Variants in TMEM132B observed in about 807,000 individuals in gnomAD.
TMEM132B encodes the protein transmembrane protein 132B.
In TMEM132B, 18 loss-of-function variants were observed where a neutral mutation model predicts 90.8. The ratio of observed to expected loss-of-function variants is 0.20; its 90% CI spans 0.14 to 0.29. The LOEUF (loss-of-function observed/expected upper bound fraction) is 0.29, where lower values mean the gene tolerates loss of function less well. Among genes scored for constraint, TMEM132B ranks in the 10% least tolerant of loss-of-function variants. The probability of loss-of-function intolerance (pLI) is 1.00; values close to 1 mark genes in which losing one functional copy is unlikely to be tolerated. For synonymous variants in TMEM132B, 504 were observed against 523.3 expected, an observed-to-expected ratio of 0.96 and a Z score of 0.50; for missense variants, 1,096 against 1,326.8, an observed-to-expected ratio of 0.83 and a Z score of 2.70.
intron 4 of TMEM132B, among the ~76,000 whole-genome samples, chr12:125,530,613 G>C (rs1883619660): frequency 6.6e-6 from 1 of 152,238 alleles, no homozygotes; most frequent in South Asian, 2.1e-4. Context: ...TTAGCAGGGA[G>C]GTGCTCCCTC....
intron 5 of TMEM132B, among the ~76,000 whole-genome samples, chr12:125,619,582 C>T (rs1198202616): frequency 1.3e-5 from 2 of 151,962 alleles, no homozygotes; most frequent in African/African-American, 4.8e-5. Flanking sequence ...CCCGGCTGGT[C>T]TTGAACTCCT....
chr12:125,569,351 G>T (rs2136823538), intron 4 of TMEM132B, among the ~76,000 whole-genome samples: 1 of 152,290 alleles, frequency 6.6e-6, no homozygotes, highest in East Asian at 1.9e-4. Flanking sequence ...GAAATTGGTA[G>T]CAGCATCCAG....
At chr12:125,326,068 C>T (rs539011218) in intron 1 of TMEM132B, among the ~76,000 whole-genome samples, 1 of 152,330 alleles carries the variant, frequency 6.6e-6, no homozygotes, top group Non-Finnish European at 1.5e-5. Context: ...TCCTACCACG[C>T]TGTTCACAGG....
rs149946525 is a variant in TMEM132B at position 125,257,646 on chromosome 12, A to T, written c.67+70780A>T. ...TCACTTTATATGCCAAAAACTCTAT[A>T]GATGTGATTATGTTAAGGATTTTGA... On this transcript the variant is annotated intron_variant, in intron 1 of 8. Transcript: ENST00000682704. Among the ~76,000 whole-genome samples the T allele has an allele frequency of 3.0e-4, 46 of 152,154 alleles. 2 individuals are homozygous for T. The highest frequency in any genetic ancestry group is 1.1e-3 in the African/African-American group (45 of 41,498).
intron 4 of TMEM132B, among the ~76,000 whole-genome samples, chr12:125,578,806 G>A (rs1172034179): frequency 6.6e-6 from 1 of 152,022 alleles, no homozygotes; most frequent in East Asian, 1.9e-4. Flanking sequence ...AATACAACAG[G>A]TCTTAGTCTT....
intron 1 of TMEM132B, among the ~76,000 whole-genome samples, chr12:125,295,514 G>A (rs1488108008): frequency 2.4e-5 from 3 of 125,670 alleles, no homozygotes; most frequent in Non-Finnish European, 5.0e-5. Context: ...GTGTGTGTGT[G>A]TGAGAGAGAG....
chr12:125,508,024 C>T (rs1882888352), intron 3 of TMEM132B, among the ~76,000 whole-genome samples: 1 of 152,154 alleles, frequency 6.6e-6, no homozygotes, highest in African/African-American at 2.4e-5. Flanking sequence ...AAGGTAGAAC[C>T]AGCAGGCTTC....
chr12:125,472,534 G>C (rs1047883085), intron 3 of TMEM132B, among the ~76,000 whole-genome samples: 4 of 152,162 alleles, frequency 2.6e-5, no homozygotes, highest in African/African-American at 9.7e-5. Flanking sequence ...AGAAGGACCT[G>C]CTGCTCTATG....
At chr12:125,320,485 G>A (rs1336941620) in intron 1 of TMEM132B, among the ~76,000 whole-genome samples, 10 of 152,270 alleles carry the variant, frequency 6.6e-5, no homozygotes, top group African/African-American at 1.9e-4. Context: ...TTTTATTAGC[G>A]TGTGGAACCG....
intron 2 of TMEM132B, among the ~76,000 whole-genome samples, chr12:125,370,669 A>G (rs921379067): frequency 6.6e-6 from 1 of 152,150 alleles, no homozygotes; most frequent in Non-Finnish European, 1.5e-5. Context: ...TCAGCCTCCC[A>G]AAGTGCTGGG....
intron 4 of TMEM132B, among the ~76,000 whole-genome samples, chr12:125,564,680 TCAC>T (rs1884621329): frequency 6.6e-6 from 1 of 152,218 alleles, no homozygotes; most frequent in African/African-American, 2.4e-5. Context: ...TCCTCCTAAT[TCAC>T]CAGCACTTAC....
intron 1 of TMEM132B, among the ~76,000 whole-genome samples, chr12:125,238,664 G>C (rs762922859): frequency 4.6e-5 from 7 of 152,228 alleles, no homozygotes; most frequent in Non-Finnish European, 1.0e-4. Context: ...GGAAGAAAAG[G>C]CTGAGAAAAG....
chr12:125,225,532 G>A (rs1353145414), intron 1 of TMEM132B, among the ~76,000 whole-genome samples: 2 of 152,144 alleles, frequency 1.3e-5, no homozygotes, highest in African/African-American at 4.8e-5. Flanking sequence ...TTTCCATCAT[G>A]TTTCTGGAAG....
At chr12:125,409,094 T>C (rs915685822) in intron 2 of TMEM132B, among the ~76,000 whole-genome samples, 3 of 152,206 alleles carry the variant, frequency 2.0e-5, no homozygotes, top group Non-Finnish European at 4.4e-5. Flanking sequence ...TTGGGACTTA[T>C]GTGCTCACAG....
chr12:125,262,666 C>T (rs1874595684), intron 1 of TMEM132B, among the ~76,000 whole-genome samples: 1 of 152,194 alleles, frequency 6.6e-6, no homozygotes, highest in Non-Finnish European at 1.5e-5. Context: ...AAATATCTCT[C>T]TGTTTCCCAG....
chr12:125,345,773 C>G (rs1170737371), intron 1 of TMEM132B, among the ~76,000 whole-genome samples: 1 of 152,152 alleles, frequency 6.6e-6, no homozygotes, highest in Admixed American at 6.5e-5. Context: ...TCCTCATTTC[C>G]TGCTCTCAGG....
chr12:125,335,235 G>A (rs1337561226), intron 1 of TMEM132B, among the ~76,000 whole-genome samples: 1 of 152,192 alleles, frequency 6.6e-6, no homozygotes, highest in African/African-American at 2.4e-5. Flanking sequence ...GTGCTGGCAG[G>A]AAGAAATCAG....
chr12:125,358,309 A>G (rs1435045791), intron 2 of TMEM132B, among the ~76,000 whole-genome samples: 1 of 149,840 alleles, frequency 6.7e-6, no homozygotes, highest in Non-Finnish European at 1.5e-5. Context: ...ACTTATGGAA[A>G]AGTCTAAAAC....
intron 3 of TMEM132B, among the ~76,000 whole-genome samples, chr12:125,433,786 T>C (rs59470897): frequency 0.092 from 13,898 of 151,172 alleles, 886 homozygotes; most frequent in East Asian, 0.27. Flanking sequence ...TATGCAGCCA[T>C]AAAAAATGAT....
Sources: gnomAD v4.1 joint callset for allele counts (sites outside exome capture counted in the v4.1 genomes callset) on GRCh38, gnomAD v4.1.1 for gene constraint, MANE v1.5 for transcripts, NCBI Gene and HGNC (gene_info 2026-07-23, HGNC 2026-07-21) for gene names.